NBDY: variants seen among roughly 807,000 people sequenced by gnomAD.
The protein encoded by NBDY is P-body dissociating protein.
chrX:56,797,322 T>C (rs948442388), intron 2 of NBDY, among the ~76,000 whole-genome samples: 39 of 109,433 alleles, frequency 3.6e-4, no homozygotes, highest in African/African-American at 1.2e-3. Context: ...CTTCTCCTTC[T>C]TCTTCTACTT....
At chrX:56,787,984 C>T (rs191775811) in intron 2 of NBDY, among the ~76,000 whole-genome samples, 1 of 112,846 alleles carries the variant, frequency 8.9e-6, no homozygotes, top group Admixed American at 9.3e-5. Flanking sequence ...CCTGGAGCTG[C>T]AGCCCTATGA....
intron 2 of NBDY, among the ~76,000 whole-genome samples, chrX:56,802,085 G>A (rs754770511): frequency 6.0e-4 from 67 of 110,832 alleles, no homozygotes; most frequent in African/African-American, 1.8e-3. Context: ...CACATGTGTC[G>A]CCATAGCCAC....
Position 56,802,951 on chromosome X carries a change from C to T in NBDY, c.*167-14369C>T, listed in dbSNP as rs920784384. On this transcript the variant is annotated intron_variant, in intron 2 of 2. Coordinates refer to ENST00000374922, the MANE Select transcript of NBDY (RefSeq NM_001348129.2). ...CTGTCTTTTTTTTGTTTCTCTTTCC[C>T]TTTTCTTTTTTTCACATTGGAAAGG... 3.6e-5 allele frequency among the ~76,000 whole-genome samples: 4 copies of T among 111,748 alleles called. No individual in the cohort carries two copies. In the South Asian group the frequency reaches 1.1e-3, roughly 32 times the overall value.
chrX:56,783,757 T>C (rs773890224), intron 2 of NBDY, among the ~76,000 whole-genome samples: 107 of 112,853 alleles, frequency 9.5e-4, no homozygotes, highest in Non-Finnish European at 1.7e-3. Context: ...GCTCCACAGA[T>C]GACAGTCACG....
At chrX:56,744,937 C>A (rs1447762185) in intron 2 of NBDY, among the ~76,000 whole-genome samples, 1 of 111,637 alleles carries the variant, frequency 9.0e-6, no homozygotes. Flanking sequence ...TTAGCAACTT[C>A]AACACATGAT....
intron 2 of NBDY, among the ~76,000 whole-genome samples, chrX:56,751,591 T>A (rs1394830120): frequency 8.9e-6 from 1 of 112,180 alleles, no homozygotes; most frequent in Non-Finnish European, 1.9e-5. Context: ...CATATACTTA[T>A]ATACTAGTGT....
chrX:56,766,562 C>T (rs369229767), intron 2 of NBDY, among the ~76,000 whole-genome samples: 5 of 112,271 alleles, frequency 4.5e-5, no homozygotes, highest in African/African-American at 1.6e-4. Context: ...CACATCGCCA[C>T]AGGCATGCGA....
intron 2 of NBDY, chrX:56,737,607 T>C: frequency 2.1e-6 from 1 of 476,505 alleles, no homozygotes; most frequent in South Asian, 3.5e-5. Flanking sequence ...TTTTAATCCT[T>C]CTTATAACAA....
chrX:56,788,531 T>G (rs1014129377), intron 2 of NBDY, among the ~76,000 whole-genome samples: 1 of 112,358 alleles, frequency 8.9e-6, no homozygotes, highest in East Asian at 2.8e-4. Flanking sequence ...GAAAGGGCAG[T>G]TGGGGCAGCC....
intron 2 of NBDY, among the ~76,000 whole-genome samples, chrX:56,747,046 C>T (rs1184471204): frequency 8.9e-6 from 1 of 111,849 alleles, no homozygotes; most frequent in African/African-American, 3.2e-5. Context: ...GTGTGGACAT[C>T]TTTGGGTGGC....
rs138267902 is a variant in NBDY at position 56,782,249 on chromosome X, C to T, written c.*167-35071C>T. Among the ~76,000 whole-genome samples, 437 of 71,907 alleles carry T rather than the reference C, an allele frequency of 6.1e-3. 6 individuals carry two copies. Among genetic ancestry groups the T allele is most frequent in the African/African-American group, 0.02 (410 of 20,402 alleles). The allele number at this position is 71,907 out of a possible 115,157, so 62.4% of individuals were successfully genotyped here. A position where few individuals can be genotyped will look rare whatever the true frequency, so the allele number is the denominator to read the frequency against. The stretch of plus-strand genomic sequence containing the variant: ...GTTATTCTTCCTCTTCCTCCTCCTA[C>T]TCTTTTAATTCCTCTTCTCTTTTTT... On this transcript the variant is annotated intron_variant, in intron 2 of 2. Transcript: ENST00000374922.
chrX:56,796,600 A>G (rs1240427146), intron 2 of NBDY, among the ~76,000 whole-genome samples: 1 of 111,336 alleles, frequency 9.0e-6, no homozygotes, highest in Admixed American at 9.5e-5. Flanking sequence ...CCCTCTCTCC[A>G]TATTGCCATT....
At chrX:56,792,708 C>T (rs996186930) in intron 2 of NBDY, among the ~76,000 whole-genome samples, 1 of 111,642 alleles carries the variant, frequency 9.0e-6, no homozygotes, top group Non-Finnish European at 1.9e-5. Flanking sequence ...AAACTGCCCA[C>T]AATCTCTTCC....
intron 2 of NBDY, among the ~76,000 whole-genome samples, chrX:56,785,444 C>T (rs913527894): frequency 2.7e-5 from 3 of 111,184 alleles, no homozygotes; most frequent in African/African-American, 6.6e-5. Context: ...CGTATCCCCA[C>T]GCACACTCAC....
intron 2 of NBDY, among the ~76,000 whole-genome samples, chrX:56,734,819 G>A (rs1056497196): frequency 8.9e-6 from 1 of 111,965 alleles, no homozygotes; most frequent in Non-Finnish European, 1.9e-5. Context: ...ATTTTTTCTC[G>A]CTTCTCATCA....
intron 2 of NBDY, among the ~76,000 whole-genome samples, chrX:56,782,951 G>T (rs1474269139): frequency 8.9e-6 from 1 of 112,028 alleles, no homozygotes; most frequent in African/African-American, 3.3e-5. Flanking sequence ...CATTAAACAC[G>T]CCTAAGCGGA....
At chrX:56,741,236 A>G (rs921432530) in intron 2 of NBDY, among the ~76,000 whole-genome samples, 14 of 111,771 alleles carry the variant, frequency 1.3e-4, no homozygotes, top group African/African-American at 4.5e-4. Context: ...TCGTTCATGT[A>G]TCTGTTGATG....
intron 2 of NBDY, among the ~76,000 whole-genome samples, chrX:56,792,714 C>T (rs1460997591): frequency 1.8e-5 from 2 of 111,743 alleles, no homozygotes; most frequent in African/African-American, 3.3e-5. Context: ...CCCACAATCT[C>T]TTCCACACTG....
intron 2 of NBDY, among the ~76,000 whole-genome samples, chrX:56,763,199 A>T (rs1384464972): frequency 8.9e-6 from 1 of 112,447 alleles, no homozygotes; most frequent in Non-Finnish European, 1.9e-5. Context: ...AAGCTGCTTA[A>T]AAAGGAACCT....
Sources: gnomAD v4.1 joint callset for allele counts (sites outside exome capture counted in the v4.1 genomes callset) on GRCh38, gnomAD v4.1.1 for gene constraint, MANE v1.5 for transcripts, NCBI Gene and HGNC (gene_info 2026-07-23, HGNC 2026-07-21) for gene names.